The following STK10 variants were observed in gnomAD, a reference collection of about 807,000 sequenced individuals.
STK10 encodes serine/threonine-protein kinase 10.
In STK10, 78 loss-of-function variants were observed where a neutral mutation model predicts 113.8. The ratio of observed to expected loss-of-function variants is 0.69; its 90% CI spans 0.57 to 0.83. The LOEUF is 0.83. STK10 is among the 40% of genes least tolerant of loss of function. The pLI is 0.00. For synonymous variants in STK10, 465 were observed against 494.7 expected, an observed-to-expected ratio of 0.94 and a Z score of 0.80; for missense variants, 1,109 against 1,280.1, an observed-to-expected ratio of 0.87 and a Z score of 2.04.
chr5:172,078,888 T>C (rs150915993), intron 12 of STK10, among the ~76,000 whole-genome samples: 58 of 150,266 alleles, frequency 3.9e-4, no homozygotes, highest in Middle Eastern at 3.4e-3. Flanking sequence ...GCTTCCCCCA[T>C]CCCCTCCTAA....
At chr5:172,122,918 C>CATCTCTTATCATAACTCTTTAAAACTCCT (rs1769546114) in intron 3 of STK10, among the ~76,000 whole-genome samples, 1 of 152,166 alleles carries the variant, frequency 6.6e-6, no homozygotes, top group South Asian at 2.1e-4. Context: ...CCACCGCGCC[C>CATCTCTTATCATAACTCTTTAAAACTCCT]GGCCAAGACC....
Position 172,106,815 on chromosome 5 carries a change from C to A in STK10, c.594-1G>T. The A allele has an allele frequency of 1.2e-6, 2 of 1,613,410 alleles. No homozygotes were observed. Among genetic ancestry groups the A allele is most frequent in the Non-Finnish European group, 1.7e-6 (2 of 1,179,548 alleles). On this transcript the variant is annotated splice_acceptor_variant, in intron 5 of 18. Transcript: ENST00000176763. LOFTEE classifies it high-confidence loss of function. ...ACACATGACCACCTCGGGGGCCATCCTGAACCAACCAAGGGACAACATAGG... is the reference window on the plus strand; with the variant it reads ...ACACATGACCACCTCGGGGGCCATCATGAACCAACCAAGGGACAACATAGG...
chr5:172,118,380 C>T (rs953389465), intron 3 of STK10, among the ~76,000 whole-genome samples: 3 of 152,102 alleles, frequency 2.0e-5, no homozygotes, highest in Non-Finnish European at 2.9e-5. Flanking sequence ...GACATGGAAA[C>T]GGTGAGTGAC....
chr5:172,080,994 T>G (rs2113728886), intron 12 of STK10, among the ~76,000 whole-genome samples: 1 of 152,340 alleles, frequency 6.6e-6, no homozygotes, highest in South Asian at 2.1e-4. Flanking sequence ...TAGGGTTTCA[T>G]GCTGATGGTG....
chr5:172,165,694 T>TTGTCACAGTCATTGGTTCAGAGA (rs1336831672), intron 1 of STK10, among the ~76,000 whole-genome samples: 5 of 152,138 alleles, frequency 3.3e-5, no homozygotes, highest in Non-Finnish European at 7.4e-5. Flanking sequence ...AAAATGAAAC[T>TTGTCACAGTCATTGGTTCAGAGA]TGTCACAGTC....
intron 1 of STK10, among the ~76,000 whole-genome samples, chr5:172,157,447 T>C (rs1001754752): frequency 2.6e-5 from 4 of 152,058 alleles, no homozygotes; most frequent in Admixed American, 6.6e-5. Flanking sequence ...TCCCAGCTAT[T>C]GGGGAGGCTG....
intron 1 of STK10, among the ~76,000 whole-genome samples, chr5:172,164,806 G>T (rs997515195): frequency 6.6e-6 from 1 of 152,324 alleles, no homozygotes; most frequent in East Asian, 1.9e-4. Flanking sequence ...AGAACAAGCG[G>T]CTGTCTGTGG....
At chr5:172,101,742 T>C (rs953242992) in intron 7 of STK10, among the ~76,000 whole-genome samples, 3 of 151,794 alleles carry the variant, frequency 2.0e-5, no homozygotes, top group Non-Finnish European at 2.9e-5. Context: ...ATGTGGGTGG[T>C]TGGGGGAGGC....
intron 2 of STK10, among the ~76,000 whole-genome samples, chr5:172,140,781 A>G (rs1240735388): frequency 6.6e-6 from 1 of 152,234 alleles, no homozygotes; most frequent in Non-Finnish European, 1.5e-5. Context: ...ATCCAAAAGC[A>G]TTAAAAGCAG....
intron 3 of STK10, among the ~76,000 whole-genome samples, chr5:172,119,094 C>T (rs1402002017): frequency 6.6e-6 from 1 of 152,018 alleles, no homozygotes; most frequent in African/African-American, 2.4e-5. Flanking sequence ...GGAGACACAG[C>T]GCCCACGTGC....
intron 1 of STK10, among the ~76,000 whole-genome samples, chr5:172,174,686 G>A (rs952317246): frequency 1.3e-5 from 2 of 152,170 alleles, no homozygotes; most frequent in African/African-American, 4.8e-5. Flanking sequence ...AGCGGTGGTC[G>A]GGACAGGCCT....
At chr5:172,188,224 CA>C (rs1561839720), upstream of STK10, 1 of 1,041,062 alleles carries the variant, frequency 9.6e-7, no homozygotes, top group Non-Finnish European at 1.3e-6. This position sits in a 1 kb window ranked among gnomAD's most constrained non-coding sequence, Gnocchi z 5.6. Flanking sequence ...GCGCCGGGAG[CA>C]CCCGGAACCG....
intron 6 of STK10, among the ~76,000 whole-genome samples, chr5:172,105,962 A>G (rs1249506230): frequency 6.6e-6 from 1 of 152,198 alleles, no homozygotes; most frequent in Non-Finnish European, 1.5e-5. Flanking sequence ...CAGGCCACGC[A>G]GTGAGGAGAC....
intron 18 of STK10, among the ~76,000 whole-genome samples, chr5:172,050,940 TG>T (rs1464867218): frequency 1.3e-5 from 2 of 152,132 alleles, no homozygotes; most frequent in East Asian, 1.9e-4. Context: ...CTCGAACTCC[TG>T]GGTTCACACC....
In STK10 at chr5:172,093,772, AG is replaced by A. The variant is rs748279296; in HGVS notation, c.1193del (p.Pro398LeufsTer27). On this transcript the variant is annotated frameshift_variant, in exon 9 of 19. Coordinates refer to ENST00000176763, the MANE Select transcript of STK10 (RefSeq NM_005990.4). LOFTEE classifies it high-confidence loss of function. The surrounding 1 kb of genome is among the most constrained non-coding windows in gnomAD (Gnocchi z 4.1). ...GCACTGCCAGGCCGTTCTCATTTCC[AG>A]GGGCCACGACTGGGGGACTGGTGGT... The part of the protein sequence containing the change: ...LQTTSPPVVA[P>X]GNENGLAVPV... 1.8e-4 allele frequency: 287 copies of A among 1,610,758 alleles called. 1 individual carries two copies. Among genetic ancestry groups the A allele is most frequent in the Non-Finnish European group, 3.7e-5 (44 of 1,177,318 alleles).
In STK10 at chr5:172,120,269, C is replaced by G. The variant is rs191336161; in HGVS notation, c.371-2639G>C. 1.1e-4 allele frequency among the ~76,000 whole-genome samples: 16 copies of G among 152,324 alleles called. No homozygotes were observed. The highest frequency in any genetic ancestry group is 2.6e-4 in the Admixed American group (4 of 15,304). Reference sequence around the variant, plus strand: ...TCTGCCTACAACAGCACTGCTGTGTCCGGCTTGCCTAGTGGTGCCTGGACA... The same window carrying G: ...TCTGCCTACAACAGCACTGCTGTGTGCGGCTTGCCTAGTGGTGCCTGGACA... On this transcript the variant is annotated intron_variant, in intron 3 of 18. Transcript: ENST00000176763. This position sits in a 1 kb window ranked among gnomAD's most constrained non-coding sequence, Gnocchi z 4.0.
At chr5:172,121,846 A>G (rs1677403311) in intron 3 of STK10, among the ~76,000 whole-genome samples, 1 of 150,982 alleles carries the variant, frequency 6.6e-6, no homozygotes. Context: ...GATTACAGGC[A>G]TGGGCCACTA....
intron 18 of STK10, among the ~76,000 whole-genome samples, chr5:172,048,363 G>A (rs914360597): frequency 4.7e-5 from 7 of 148,684 alleles, no homozygotes; most frequent in African/African-American, 1.3e-4. Flanking sequence ...CCCCACAATC[G>A]TGTAAGCCAA....
At position 172,083,106 on chromosome 5, in the gene STK10, A is replaced by C. The variant is rs778738801; in HGVS notation, c.1686-22T>G. The C allele has an allele frequency of 3.7e-6, 6 of 1,613,342 alleles. No homozygotes were observed. In the East Asian group the frequency reaches 6.7e-5, roughly 18 times the overall value. Reference sequence around the variant, plus strand: ...GCGCCTGAAAGGTTAAAGGATACAGATATTTCACAGTAAGAAACTGGCTTC... The same window carrying C: ...GCGCCTGAAAGGTTAAAGGATACAGCTATTTCACAGTAAGAAACTGGCTTC... On this transcript the variant is annotated intron_variant, in intron 10 of 18. Coordinates refer to ENST00000176763, the MANE Select transcript of STK10 (RefSeq NM_005990.4).
Sources: allele counts gnomAD v4.1 joint callset (sites outside exome capture counted in the v4.1 genomes callset), GRCh38; gene constraint gnomAD v4.1.1; non-coding constraint Gnocchi (gnomAD v3.1); transcripts MANE v1.5; gene names NCBI Gene and HGNC (gene_info 2026-07-23, HGNC 2026-07-21).